PRTG: variants seen among roughly 807,000 people sequenced by gnomAD.
The protein encoded by PRTG is protogenin.
Under a neutral mutation model 122.5 loss-of-function variants are expected in PRTG, and 67 were observed. That is an observed-to-expected ratio of 0.55 (90% CI 0.45 to 0.67). The LOEUF is 0.67. PRTG is among the 30% of genes least tolerant of loss of function. The pLI is 0.00. For synonymous variants in PRTG, 554 were observed against 501.1 expected, an observed-to-expected ratio of 1.11 and a Z score of -1.41; for missense variants, 1,435 against 1,415.4, an observed-to-expected ratio of 1.01 and a Z score of -0.22.
At position 55,613,742 on chromosome 15, in the gene PRTG, C is replaced by T. The variant is rs1289905878; in HGVS notation, c.*6270G>A. The T allele has an allele frequency of 6.7e-6, 1 of 149,876 alleles. No homozygotes were observed. Among genetic ancestry groups the T allele is most frequent in the Non-Finnish European group, 1.5e-5 (1 of 67,630 alleles). The allele number at this position is 149,876 out of a possible 1,614,324, so 9.3% of individuals were successfully genotyped here. On this transcript the variant is annotated 3_prime_UTR_variant, in exon 20 of 20. Transcript: ENST00000389286. ...GTCACACTATGGAAGGCACTATGAC[C>T]CTGGGTGATTAAATACCTTTTTTTT...
intron 2 of PRTG, among the ~76,000 whole-genome samples, chr15:55,730,775 G>A (rs781532875): frequency 4.6e-5 from 7 of 152,124 alleles, no homozygotes; most frequent in Non-Finnish European, 8.8e-5. Context: ...ACTCCAACCT[G>A]GGCAACAGAG....
At chr15:55,678,115 C>A (rs1348079509) in intron 7 of PRTG, 71 bp from the exon 8 acceptor site, 1 of 845,160 alleles carries the variant, frequency 1.2e-6, no homozygotes, top group East Asian at 2.7e-5. Context: ...TTAGCTATTG[C>A]TAAATATACT....
intron 2 of PRTG, among the ~76,000 whole-genome samples, chr15:55,717,962 T>A (rs1423134954): frequency 6.6e-6 from 1 of 152,178 alleles, no homozygotes; most frequent in Non-Finnish European, 1.5e-5. Flanking sequence ...CCTTTGGAGA[T>A]CAATCCCCTG....
At chr15:55,644,951 G>A (rs2059312314) in intron 11 of PRTG, among the ~76,000 whole-genome samples, 1 of 152,054 alleles carries the variant, frequency 6.6e-6, no homozygotes, top group Non-Finnish European at 1.5e-5. Flanking sequence ...AAAGTACCAG[G>A]TTAGGGGCAA....
intron 2 of PRTG, among the ~76,000 whole-genome samples, chr15:55,697,055 T>C (rs1159246658): frequency 6.6e-6 from 1 of 152,190 alleles, no homozygotes; most frequent in Non-Finnish European, 1.5e-5. Context: ...GTTGCTTCTT[T>C]AATATTTCAT....
chr15:55,718,233 C>T (rs1378014877), intron 2 of PRTG, among the ~76,000 whole-genome samples: 1 of 152,160 alleles, frequency 6.6e-6, no homozygotes, highest in African/African-American at 2.4e-5. Context: ...ACGGCACTTT[C>T]AATTTTTCCA....
intron 11 of PRTG, among the ~76,000 whole-genome samples, chr15:55,652,476 G>A (rs890655237): frequency 6.6e-6 from 1 of 152,152 alleles, no homozygotes; most frequent in African/African-American, 2.4e-5. Context: ...CAACTGGAGA[G>A]CTCCTTGGTC....
Position 55,615,213 on chromosome 15 carries a change from A to G in PRTG, c.*4799T>C, listed in dbSNP as rs2059136777. 1 of 152,094 alleles carries G rather than the reference A, an allele frequency of 6.6e-6. No homozygotes were observed. The allele number at this position is 152,094 out of a possible 1,614,324, so 9.4% of individuals were successfully genotyped here. On this transcript the variant is annotated 3_prime_UTR_variant, in exon 20 of 20. Coordinates refer to ENST00000389286, the MANE Select transcript of PRTG (RefSeq NM_173814.6). Reference sequence around the variant, plus strand: ...TTTCCCTAAAGCCTCAAAAAGAAACAGCCCTGCAAGCGCCTTGATTTTGTC... The same window carrying G: ...TTTCCCTAAAGCCTCAAAAAGAAACGGCCCTGCAAGCGCCTTGATTTTGTC...
intron 11 of PRTG, among the ~76,000 whole-genome samples, chr15:55,643,887 TG>T (rs1350709310): frequency 6.6e-6 from 1 of 150,538 alleles, no homozygotes; most frequent in Non-Finnish European, 1.5e-5. Context: ...TTTTGGACAC[TG>T]GGTCTCACTC....
At chr15:55,693,809 C>A (rs1440543743) in intron 2 of PRTG, among the ~76,000 whole-genome samples, 1 of 152,156 alleles carries the variant, frequency 6.6e-6, no homozygotes, top group African/African-American at 2.4e-5. Context: ...AAACTCCTAG[C>A]AGTTGTGCAG....
intron 15 of PRTG, among the ~76,000 whole-genome samples, chr15:55,636,246 C>A (rs910069223): frequency 6.6e-6 from 1 of 151,998 alleles, no homozygotes; most frequent in African/African-American, 2.4e-5. Context: ...TGTTCTTAAG[C>A]CCTAATCAGC....
chr15:55,700,152 A>G (rs2059653982), intron 2 of PRTG, among the ~76,000 whole-genome samples: 2 of 152,358 alleles, frequency 1.3e-5, no homozygotes, highest in African/African-American at 2.4e-5. Context: ...AAATTAACCA[A>G]TACAACTATG....
At chr15:55,646,611 T>C (rs1015273072) in intron 11 of PRTG, among the ~76,000 whole-genome samples, 3 of 152,306 alleles carry the variant, frequency 2.0e-5, no homozygotes, top group South Asian at 2.1e-4. Context: ...CGTGAGCCAC[T>C]GCACCCGGCT....
chr15:55,613,957 A>C lies in PRTG; in HGVS notation c.*6055T>G, dbSNP rs2059131512. 1 of 152,120 alleles carries C rather than the reference A, an allele frequency of 6.6e-6. No individual in the cohort carries two copies. The highest frequency in any genetic ancestry group is 1.5e-5 in the Non-Finnish European group (1 of 67,970). The allele number at this position is 152,120 out of a possible 1,614,324, so 9.4% of individuals were successfully genotyped here. A position where few individuals can be genotyped will look rare whatever the true frequency, so the allele number is the denominator to read the frequency against. The stretch of plus-strand genomic sequence containing the variant: ...TTTACAGAATGTAGCAGCAGTTTGC[A>C]GAGATGAACCATGTGCTTGGCACAC... On this transcript the variant is annotated 3_prime_UTR_variant, in exon 20 of 20. Coordinates refer to ENST00000389286, the MANE Select transcript of PRTG (RefSeq NM_173814.6).
intron 2 of PRTG, among the ~76,000 whole-genome samples, chr15:55,707,721 G>A (rs1045725379): frequency 1.3e-5 from 2 of 152,138 alleles, no homozygotes; most frequent in Non-Finnish European, 2.9e-5. Context: ...AGCACAGAGA[G>A]GTTAACTGAT....
chr15:55,732,739 C>T (rs1025646126), intron 2 of PRTG, among the ~76,000 whole-genome samples: 4 of 152,094 alleles, frequency 2.6e-5, no homozygotes, highest in Non-Finnish European at 4.4e-5. Flanking sequence ...GGTGATCCGC[C>T]GGCCCTGGCC....
chr15:55,629,075 G>T, intron 15 of PRTG, 71 bp from the exon 16 acceptor site: 1 of 974,502 alleles, frequency 1.0e-6, no homozygotes, highest in Non-Finnish European at 1.5e-6. Context: ...ATACAAACAC[G>T]TTCCTTTATT....
chr15:55,717,546 G>T (rs573133881), intron 2 of PRTG, among the ~76,000 whole-genome samples: 1 of 152,314 alleles, frequency 6.6e-6, no homozygotes, highest in East Asian at 1.9e-4. Context: ...TGGTGCTGAA[G>T]AAACTGCTCA....
chr15:55,638,455 A>AGG, intron 14 of PRTG, 94 bp downstream of exon 14: 1 of 883,366 alleles, frequency 1.1e-6, no homozygotes. Flanking sequence ...GGTGGCAACT[A>AGG]GGGTAGTATC....
Sources: gnomAD v4.1 joint callset for allele counts (sites outside exome capture counted in the v4.1 genomes callset) on GRCh38, gnomAD v4.1.1 for gene constraint, MANE v1.5 for transcripts, NCBI Gene and HGNC (gene_info 2026-07-23, HGNC 2026-07-21) for gene names.